The following FARP1 variants were observed in gnomAD, a reference collection of about 807,000 sequenced individuals.
FARP1 encodes the protein FERM, ARHGEF and pleckstrin domain-containing protein 1.
FARP1 carries 52 observed loss-of-function variants against 128.8 expected under a neutral mutation model. The ratio of observed to expected loss-of-function variants is 0.40; its 90% CI spans 0.32 to 0.51. The LOEUF is 0.51. Among genes scored for constraint, FARP1 ranks in the 20% least tolerant of loss-of-function variants. The pLI is 0.45. For synonymous variants in FARP1, 580 were observed against 551.8 expected, an observed-to-expected ratio of 1.05 and a Z score of -0.72; for missense variants, 1,333 against 1,367.9, an observed-to-expected ratio of 0.97 and a Z score of 0.40.
At position 98,390,082 on chromosome 13, in the gene FARP1, G is replaced by A; in HGVS notation, c.981G>A (p.Lys327=). The change falls in exon 10 of 27, where the codon AAG becomes AAA. Residue 327 remains lysine, a synonymous_variant. Transcript: ENST00000319562. ...RLFEEPKPKP[K]PVLFSRGSSF... Reference sequence around the variant, plus strand: ...TTGAAGAGCCCAAACCAAAGCCCAAGCCCGTCCTCTTTAGCCGGGGGTCAT... The same window carrying A: ...TTGAAGAGCCCAAACCAAAGCCCAAACCCGTCCTCTTTAGCCGGGGGTCAT... 6.2e-7 allele frequency: 1 copy of A among 1,614,168 alleles called. No individual in the cohort carries two copies. Among genetic ancestry groups the A allele is most frequent in the Non-Finnish European group, 8.5e-7 (1 of 1,180,028 alleles).
chr13:98,258,262 C>T (rs756808567), intron 2 of FARP1, among the ~76,000 whole-genome samples: 8 of 152,208 alleles, frequency 5.3e-5, no homozygotes, highest in East Asian at 1.9e-4. Context: ...CAACCACACC[C>T]GGCCTGTAAT....
intron 2 of FARP1, among the ~76,000 whole-genome samples, chr13:98,231,466 C>G (rs1882110737): frequency 6.6e-6 from 1 of 152,110 alleles, no homozygotes; most frequent in Non-Finnish European, 1.5e-5. Context: ...GAGACAGAGG[C>G]TCGCTCTACT....
At chr13:98,428,372 C>T (rs1199676880) in intron 17 of FARP1, among the ~76,000 whole-genome samples, 4 of 152,154 alleles carry the variant, frequency 2.6e-5, no homozygotes, top group Non-Finnish European at 5.9e-5. Flanking sequence ...CTCCAAGCTT[C>T]TACCACCTGT....
chr13:98,285,629 A>T (rs1410007202), intron 2 of FARP1, among the ~76,000 whole-genome samples: 1 of 151,422 alleles, frequency 6.6e-6, no homozygotes, highest in African/African-American at 2.4e-5. Flanking sequence ...CATTGGGGTA[A>T]TTTTGTTTTG....
At chr13:98,181,861 T>C (rs1175426021) in intron 1 of FARP1, among the ~76,000 whole-genome samples, 2 of 152,086 alleles carry the variant, frequency 1.3e-5, no homozygotes, top group Non-Finnish European at 2.9e-5. Context: ...TTATCACACA[T>C]GGTATTTAAT....
At chr13:98,185,461 G>A (rs1878799111) in intron 1 of FARP1, among the ~76,000 whole-genome samples, 1 of 152,080 alleles carries the variant, frequency 6.6e-6, no homozygotes, top group African/African-American at 2.4e-5. Flanking sequence ...TCTGTTTAAG[G>A]TTCCTCGTGA....
rs2139227983 is a variant in FARP1, at chr13:98,452,965, G to A, written c.*4648G>A. On this transcript the variant is annotated 3_prime_UTR_variant, in exon 27 of 27. Transcript: ENST00000319562. ...TAAAATAAAATGATCGCTGGAAGGA[G>A]CTGACCCTCCCCACCCATCTGAGAG... 1 of 482,018 alleles carries A rather than the reference G, an allele frequency of 2.1e-6. No individual in the cohort carries two copies. Among genetic ancestry groups the A allele is most frequent in the Non-Finnish European group, 3.7e-6 (1 of 273,422 alleles). The allele number at this position is 482,018 out of a possible 1,614,324, so 29.9% of individuals were successfully genotyped here.
chr13:98,304,634 G>T (rs764009225), intron 2 of FARP1, among the ~76,000 whole-genome samples: 8 of 152,192 alleles, frequency 5.3e-5, no homozygotes, highest in Non-Finnish European at 1.0e-4. Flanking sequence ...CTTGCAGGCG[G>T]GCAGGTGCCA....
intron 1 of FARP1, among the ~76,000 whole-genome samples, chr13:98,154,228 C>A (rs1017826476): frequency 6.6e-6 from 1 of 152,144 alleles, no homozygotes; most frequent in Admixed American, 6.5e-5. Context: ...AATAGAGCTG[C>A]TATAAACTCT....
chr13:98,144,924 A>G (rs904915092), intron 1 of FARP1, among the ~76,000 whole-genome samples: 1 of 152,188 alleles, frequency 6.6e-6, no homozygotes, highest in African/African-American at 2.4e-5. Context: ...AGTTTCTGAC[A>G]GTGTGCTTCA....
intron 17 of FARP1, among the ~76,000 whole-genome samples, chr13:98,429,823 G>A (rs1364543261): frequency 6.6e-6 from 1 of 152,240 alleles, no homozygotes; most frequent in Admixed American, 6.5e-5. Flanking sequence ...CTACTCGCCT[G>A]TGCCAGATAC....
intron 2 of FARP1, among the ~76,000 whole-genome samples, chr13:98,319,722 C>A (rs1487016049): frequency 6.6e-6 from 1 of 152,124 alleles, no homozygotes; most frequent in Non-Finnish European, 1.5e-5. Context: ...CTTATTTTGT[C>A]AGGATCAAAT....
chr13:98,393,957 C>T (rs1343995087), intron 12 of FARP1, among the ~76,000 whole-genome samples: 1 of 152,182 alleles, frequency 6.6e-6, no homozygotes, highest in Non-Finnish European at 1.5e-5. Flanking sequence ...ATCTCCCATG[C>T]GGTGCTCTAA....
chr13:98,440,745 G>C lies in FARP1; in HGVS notation c.2705G>C (p.Arg902Pro), dbSNP rs761715043. 6.2e-7 allele frequency: 1 copy of C among 1,613,360 alleles called. No homozygotes were observed. The highest frequency in any genetic ancestry group is 1.7e-5 in the Admixed American group (1 of 60,010). The change falls in exon 24 of 27, where the codon CGC (arginine) becomes CCC (proline). Residue 902 changes from arginine to proline, a missense_variant. Transcript: ENST00000319562. ...AGCGCCTCGCGCACATCGCTGGAGC[G>C]CCAGGCCCCGCACCGCGGCAACACA... ...DLSASRTSLERQAPHRGNTMV... is the reference protein window; with the variant it reads ...DLSASRTSLEPQAPHRGNTMV...
chr13:98,313,360 A>T (rs7330682), intron 2 of FARP1, among the ~76,000 whole-genome samples: 15 of 150,716 alleles, frequency 1.0e-4, no homozygotes, highest in African/African-American at 3.4e-4. Flanking sequence ...GTGCAGGCCC[A>T]GGGAGAAGGC....
chr13:98,217,795 G>C (rs371766004), intron 2 of FARP1, among the ~76,000 whole-genome samples: 26 of 152,332 alleles, frequency 1.7e-4, no homozygotes, highest in African/African-American at 6.0e-4. Context: ...TGGAGGGCAA[G>C]GCCTCTTGTT....
chr13:98,257,168 C>T (rs185661818), intron 2 of FARP1, among the ~76,000 whole-genome samples: 31 of 151,946 alleles, frequency 2.0e-4, no homozygotes, highest in Admixed American at 1.4e-3. Flanking sequence ...AAAAACACAG[C>T]ATTTTAATCA....
At chr13:98,158,107 A>G (rs1876619327) in intron 1 of FARP1, among the ~76,000 whole-genome samples, 1 of 152,226 alleles carries the variant, frequency 6.6e-6, no homozygotes, top group Non-Finnish European at 1.5e-5. Flanking sequence ...TTTGCATGAG[A>G]TTAATCCAAG....
chr13:98,266,834 G>A (rs1594338697), intron 2 of FARP1, among the ~76,000 whole-genome samples: 2 of 151,990 alleles, frequency 1.3e-5, no homozygotes, highest in East Asian at 1.9e-4. Flanking sequence ...CAACATAAGT[G>A]AGACCCCATC....
Sources: gnomAD v4.1 joint callset for allele counts (sites outside exome capture counted in the v4.1 genomes callset) on GRCh38, gnomAD v4.1.1 for gene constraint, MANE v1.5 for transcripts, NCBI Gene and HGNC (gene_info 2026-07-23, HGNC 2026-07-21) for gene names.